Variants in ABR observed in about 807,000 individuals in gnomAD.
ABR encodes the protein active breakpoint cluster region-related protein.
ABR carries 35 observed loss-of-function variants against 107.2 expected under a neutral mutation model. The observed-to-expected ratio is 0.33, with a 90% CI of 0.25 to 0.43. The LOEUF is 0.43. Ranked by LOEUF, ABR falls within the 20% of genes least tolerant of loss-of-function variation. The pLI is 1.00. For synonymous variants in ABR, 498 were observed against 462.0 expected, an observed-to-expected ratio of 1.08 and a Z score of -1.00; for missense variants, 815 against 1,115.2, an observed-to-expected ratio of 0.73 and a Z score of 3.83.
At chr17:1,057,148 C>T (rs1442792038) in intron 12 of ABR, 46 bp from the exon 13 acceptor site, 6 of 1,330,150 alleles carry the variant, frequency 4.5e-6, no homozygotes, top group Non-Finnish European at 4.3e-6. Flanking sequence ...ACTGGTCCAC[C>T]AGGACCGGCT....
chr17:1,070,194 G>A lies in ABR; in HGVS notation c.895-104C>T. ...CAGCCAGGGAGGACTGGACCGAGAG[G>A]CGGCATAGCCTGTCATCCCTTAACC... On this transcript the variant is annotated intron_variant, in intron 8 of 22. Transcript: ENST00000302538. The surrounding 1 kb of genome is among the most constrained non-coding windows in gnomAD (Gnocchi z 4.2). 2 of 1,483,474 alleles carry A rather than the reference G, an allele frequency of 1.3e-6. No individual in the cohort carries two copies. Among genetic ancestry groups the A allele is most frequent in the Non-Finnish European group, 1.8e-6 (2 of 1,089,994 alleles). The allele number at this position is 1,483,474 out of a possible 1,614,324, so 91.9% of individuals were successfully genotyped here. A position where few individuals can be genotyped will look rare whatever the true frequency, so the allele number is the denominator to read the frequency against.
intron 5 of ABR, among the ~76,000 whole-genome samples, chr17:1,080,847 C>T (rs1293993924): frequency 6.6e-6 from 1 of 152,134 alleles, no homozygotes; most frequent in Non-Finnish European, 1.5e-5. Context: ...TGTTTCCTCA[C>T]GCCCCCTCCA....
intron 2 of ABR, among the ~76,000 whole-genome samples, chr17:1,112,112 C>T (rs1473626672): frequency 6.6e-6 from 1 of 152,256 alleles, no homozygotes; most frequent in African/African-American, 2.4e-5. Flanking sequence ...CACACGACCA[C>T]ACGTACTTCC....
chr17:1,166,912 G>A (rs749600341), intron 1 of ABR, among the ~76,000 whole-genome samples: 1 of 152,202 alleles, frequency 6.6e-6, no homozygotes, highest in African/African-American at 2.4e-5. Context: ...TGAGGCAGGA[G>A]AATCGCTTGA....
chr17:1,067,023 C>A (rs1029072088), intron 10 of ABR, 54 bp downstream of exon 10: 13 of 1,590,616 alleles, frequency 8.2e-6, no homozygotes, highest in African/African-American at 1.3e-5. Context: ...CCTCCACCTC[C>A]CCCAACACAG....
intron 2 of ABR, chr17:1,115,337 A>T (rs1176648402): frequency 6.6e-6 from 1 of 152,318 alleles, no homozygotes; most frequent in Admixed American, 6.5e-5. Flanking sequence ...CCAGGCCTTT[A>T]ACAACGGCAG....
chr17:1,197,997 G>T (rs570432648), intron 1 of ABR, among the ~76,000 whole-genome samples: 1 of 151,702 alleles, frequency 6.6e-6, no homozygotes, highest in East Asian at 1.9e-4. Flanking sequence ...CCGGCTGGCC[G>T]CAGCCCCACG....
At chr17:1,083,658 AGGAGGGTG>A in intron 4 of ABR, 31 bp from the exon 5 acceptor site, 1 of 1,097,678 alleles carries the variant, frequency 9.1e-7, no homozygotes, top group Non-Finnish European at 1.4e-6. Flanking sequence ...ACAGAGGGAG[AGGAGGGTG>A]GGAGGGGAGA....
chr17:1,183,617 C>T (rs1276023117), upstream of ABR, among the ~76,000 whole-genome samples: 7 of 152,090 alleles, frequency 4.6e-5, no homozygotes, highest in Admixed American at 4.6e-4. Flanking sequence ...GGCCCTAGAA[C>T]CAAAACTGGG....
Position 1,179,879 on chromosome 17 carries a change from G to T in ABR, c.-152C>A, listed in dbSNP as rs1774294916. ...TCCCCGGGAGGAGCGCGGGGCGGCC[G>T]GGGCAGGGGCGAGGGCGGGGCGGGA... On this transcript the variant is annotated 5_prime_UTR_variant, in exon 1 of 23. Coordinates refer to ENST00000302538, the MANE Select transcript of ABR (RefSeq NM_021962.5). The surrounding 1 kb of genome is among the most constrained non-coding windows in gnomAD (Gnocchi z 4.9). The T allele has an allele frequency of 2.7e-6, 2 of 733,232 alleles. No individual in the cohort carries two copies. Among genetic ancestry groups the T allele is most frequent in the Non-Finnish European group, 4.0e-6 (2 of 506,096 alleles). 45.4% of individuals were successfully genotyped at this position (733,232 alleles called of 1,614,324 possible). A position where few individuals can be genotyped will look rare whatever the true frequency, so the allele number is the denominator to read the frequency against.
At chr17:1,172,084 T>C (rs2041735796) in intron 1 of ABR, among the ~76,000 whole-genome samples, 1 of 152,118 alleles carries the variant, frequency 6.6e-6, no homozygotes, top group Admixed American at 6.6e-5. Context: ...CTAGTGTGTG[T>C]GGGGAGGAAG....
In ABR at chr17:1,148,645, T is replaced by TGCGAGGGATC. The variant is rs2040658027; in HGVS notation, c.62-23288_62-23279dup. On this transcript the variant is annotated intron_variant, in intron 1 of 22. Coordinates refer to ENST00000302538, the MANE Select transcript of ABR (RefSeq NM_021962.5). The surrounding 1 kb of genome is among the most constrained non-coding windows in gnomAD (Gnocchi z 4.9). The stretch of plus-strand genomic sequence containing the variant: ...CGTGAGCCCTGTCGTGATCTGCGCG[T>TGCGAGGGATC]GCGAGGGATCGCAGTTCCATCCCGA... Among the ~76,000 whole-genome samples the TGCGAGGGATC allele has an allele frequency of 2.0e-5, 3 of 152,310 alleles. No homozygotes were observed. In the South Asian group the frequency reaches 6.2e-4, roughly 32 times the overall value.
chr17:1,142,015 C>T (rs565460587), intron 1 of ABR, among the ~76,000 whole-genome samples: 1 of 152,050 alleles, frequency 6.6e-6, no homozygotes, highest in East Asian at 2.0e-4. Flanking sequence ...GCCTCGGCCT[C>T]CCAAAGTGCT....
At position 1,051,011 on chromosome 17, in the gene ABR, C is replaced by G. The variant is rs190828042; in HGVS notation, c.1562-377G>C. Among the ~76,000 whole-genome samples the G allele has an allele frequency of 2.0e-5, 3 of 152,134 alleles. No individual in the cohort carries two copies. The highest frequency in any genetic ancestry group is 4.4e-5 in the Non-Finnish European group (3 of 68,022). On this transcript the variant is annotated intron_variant, in intron 14 of 22. Coordinates refer to ENST00000302538, the MANE Select transcript of ABR (RefSeq NM_021962.5). The surrounding 1 kb of genome is among the most constrained non-coding windows in gnomAD (Gnocchi z 4.3). ...CTCCACATCTTCCTCACCATGGAGACGACACCACAAACTCTTCACTGACCG... is the reference window on the plus strand; with the variant it reads ...CTCCACATCTTCCTCACCATGGAGAGGACACCACAAACTCTTCACTGACCG...
At chr17:1,017,784 G>A (rs1014167437) in intron 16 of ABR, among the ~76,000 whole-genome samples, 3 of 151,636 alleles carry the variant, frequency 2.0e-5, no homozygotes, top group Middle Eastern at 3.4e-3. Flanking sequence ...TTTATTTTTA[G>A]TAGAGATGGG....
At chr17:1,060,332 C>T (rs1199138758) in intron 10 of ABR, among the ~76,000 whole-genome samples, 1 of 152,070 alleles carries the variant, frequency 6.6e-6, no homozygotes, top group Non-Finnish European at 1.5e-5. Flanking sequence ...ATCGCTTGAA[C>T]CCGGGAGGTG....
At chr17:1,219,336 G>A (rs1180866945) in intron 1 of ABR, among the ~76,000 whole-genome samples, 3 of 151,844 alleles carry the variant, frequency 2.0e-5, no homozygotes, top group East Asian at 2.0e-4. Context: ...GAGCCACCAC[G>A]CCCAGCCATG....
At chr17:1,039,278 G>A (rs562985386) in intron 16 of ABR, among the ~76,000 whole-genome samples, 5 of 152,218 alleles carry the variant, frequency 3.3e-5, no homozygotes, top group Admixed American at 6.5e-5. Context: ...GGGAGCGGGG[G>A]GAGCCGACTC....
chr17:1,227,351 T>C (rs1039765042), intron 1 of ABR, among the ~76,000 whole-genome samples: 1 of 152,206 alleles, frequency 6.6e-6, no homozygotes, highest in Admixed American at 6.5e-5. Flanking sequence ...CTGGGGCCAG[T>C]TGGGTAGCCT....
Sources: gnomAD v4.1 joint callset for allele counts (sites outside exome capture counted in the v4.1 genomes callset) on GRCh38, gnomAD v4.1.1 for gene constraint, Gnocchi (gnomAD v3.1) non-coding constraint, MANE v1.5 for transcripts, NCBI Gene and HGNC (gene_info 2026-07-23, HGNC 2026-07-21) for gene names.